SEMA3B: variants seen among roughly 807,000 people sequenced by gnomAD.
SEMA3B encodes semaphorin-3B.
Under a neutral mutation model 77.8 loss-of-function variants are expected in SEMA3B, and 71 were observed. That is an observed-to-expected ratio of 0.91 (90% CI 0.75 to 1.11). SEMA3B has a LOEUF of 1.11. Among genes scored for constraint, SEMA3B ranks in the 50% most tolerant of loss-of-function variants. The pLI is 0.00. For missense variants in SEMA3B, 968 were observed against 1,056.8 expected (o/e 0.92, Z 1.17); for synonymous variants, 470 against 452.9 (o/e 1.04, Z -0.48).
chr3:50,274,819 C>A lies in SEMA3B; in HGVS notation c.1358-24C>A. 6.2e-7 allele frequency: 1 copy of A among 1,607,086 alleles called. No individual in the cohort carries two copies. The highest frequency in any genetic ancestry group is 1.1e-5 in the South Asian group (1 of 90,042). On this transcript the variant is annotated intron_variant, in intron 11 of 16. Coordinates refer to ENST00000616701, the MANE Select transcript of SEMA3B (RefSeq NM_001290060.2). This position sits in a 1 kb window ranked among gnomAD's most constrained non-coding sequence, Gnocchi z 4.7. ...CCAGCTGTCCGGGAGCACCAATGGT[C>A]ATTACCCCTTCTCATCCCTGCAGAC...
In SEMA3B at chr3:50,274,735, ACT is replaced by A; in HGVS notation, c.1358-105_1358-104del. 7.0e-7 allele frequency: 1 copy of A among 1,420,524 alleles called. No individual in the cohort carries two copies. Among genetic ancestry groups the A allele is most frequent in the Non-Finnish European group, 9.7e-7 (1 of 1,033,200 alleles). 88.0% of individuals were successfully genotyped at this position (1,420,524 alleles called of 1,614,324 possible). A position where few individuals can be genotyped will look rare whatever the true frequency, so the allele number is the denominator to read the frequency against. ...CCCAACCCACACTCTTCCAGTCCACACTCTTCACAACCCAAACATGCTGAGGG... is the reference window on the plus strand; with the variant it reads ...CCCAACCCACACTCTTCCAGTCCACACTTCACAACCCAAACATGCTGAGGG... On this transcript the variant is annotated intron_variant, in intron 11 of 16. Transcript: ENST00000616701. This position sits in a 1 kb window ranked among gnomAD's most constrained non-coding sequence, Gnocchi z 4.7.
Position 50,271,161 on chromosome 3 carries a change from G to T in SEMA3B, c.524G>T (p.Arg175Leu). 6.3e-7 allele frequency: 1 copy of T among 1,579,078 alleles called. No homozygotes were observed. Among genetic ancestry groups the T allele is most frequent in the East Asian group, 2.3e-5 (1 of 43,070 alleles). Residue 175 changes from arginine to leucine, a missense_variant, in exon 5 of 17, where the codon CGG (arginine) becomes CTG (leucine). Transcript: ENST00000616701. ...AAGAGTCCTTATGACCCCAGGCATC[G>T]GGCTGCCTCCGTGCTGGTGGGTGAG... is the stretch of plus-strand genomic sequence containing the variant. ...KGKSPYDPRH[R>L]AASVLVGEEL...
In SEMA3B at chr3:50,276,512, A is replaced by C. The variant is rs782121665; in HGVS notation, c.2056A>C (p.Lys686Gln). ...TGCGCCCGCCGCGCCGCCGGGCCCC[A>C]AACTCTGGTACCGGGACTTTCTGCA... ...EAAPAAPPGP[K>Q]LWYRDFLQLV... The change falls in exon 17 of 17, where the codon AAA becomes CAA. Residue 686 changes from lysine (K) to glutamine (Q), a missense_variant. Transcript: ENST00000616701. The surrounding 1 kb of genome is among the most constrained non-coding windows in gnomAD (Gnocchi z 5.8). 6.5e-7 allele frequency: 1 copy of C among 1,533,138 alleles called. No individual in the cohort carries two copies. Among genetic ancestry groups the C allele is most frequent in the South Asian group, 1.2e-5 (1 of 83,734 alleles). The allele number at this position is 1,533,138 out of a possible 1,614,324, so 95.0% of individuals were successfully genotyped here.
At position 50,275,643 on chromosome 3, in the gene SEMA3B, A is replaced by G; in HGVS notation, c.1705+28A>G. 6.2e-7 allele frequency: 1 copy of G among 1,613,532 alleles called. No homozygotes were observed. Among genetic ancestry groups the G allele is most frequent in the Non-Finnish European group, 8.5e-7 (1 of 1,179,670 alleles). ...GAGTGCCCCAGCTGCCCCTACCCTC[A>G]GCCCCAGAAGACGCCCCACCTGCCC... On this transcript the variant is annotated intron_variant, in intron 15 of 16. Coordinates refer to ENST00000616701, the MANE Select transcript of SEMA3B (RefSeq NM_001290060.2). The surrounding 1 kb of genome is among the most constrained non-coding windows in gnomAD (Gnocchi z 7.5).
upstream of SEMA3B, among the ~76,000 whole-genome samples, chr3:50,266,112 T>C (rs1288827705): frequency 6.6e-6 from 1 of 152,010 alleles, no homozygotes; most frequent in African/African-American, 2.4e-5. Context: ...CCCCTGGGCC[T>C]GGAAAAACAT....
upstream of SEMA3B, chr3:50,267,715 G>C (rs1465594972): frequency 6.6e-6 from 1 of 152,498 alleles, no homozygotes; most frequent in East Asian, 1.9e-4. This position sits in a 1 kb window ranked among gnomAD's most constrained non-coding sequence, Gnocchi z 5.7. Context: ...GGTGGAGTGT[G>C]AGAAGGCAGC....
chr3:50,261,903 G>A, the SEMA3B span: 3 of 152,264 alleles, frequency 2.0e-5, no homozygotes, highest in African/African-American at 7.2e-5. Flanking sequence ...AGGGAGTCAG[G>A]GAGGAGGCAA....
Position 50,275,455 on chromosome 3 carries a change from A to C in SEMA3B, c.1645A>C (p.Lys549Gln), listed in dbSNP as rs781867350. 1 of 1,607,894 alleles carries C rather than the reference A, an allele frequency of 6.2e-7. No homozygotes were observed. The highest frequency in any genetic ancestry group is 1.7e-5 in the Admixed American group (1 of 59,668). ...GTGCACGCGCTTCCAGCCCAGTGCC[A>C]AGAGGTGGGCGGGGTCGGGGTTGGG... The part of the protein sequence containing the change: ...VACTRFQPSA[K>Q]RRFRRQDVRN... Residue 549 changes from lysine (K) to glutamine (Q), a missense_variant, in exon 14 of 17, where the codon AAG (lysine) becomes CAG (glutamine). Lys to Gln is a moderately conservative substitution (Grantham distance 53, BLOSUM62 1). Coordinates refer to ENST00000616701, the MANE Select transcript of SEMA3B (RefSeq NM_001290060.2). The surrounding 1 kb of genome is among the most constrained non-coding windows in gnomAD (Gnocchi z 7.5).
chr3:50,271,865 C>T (rs1701064237), intron 6 of SEMA3B, among the ~76,000 whole-genome samples: 1 of 151,458 alleles, frequency 6.6e-6, no homozygotes, highest in Non-Finnish European at 1.5e-5. Context: ...GGGAGCATTC[C>T]AGGCAGAGGG....
chr3:50,272,486 G>A (rs183489260), intron 6 of SEMA3B, among the ~76,000 whole-genome samples: 93 of 152,002 alleles, frequency 6.1e-4, no homozygotes, highest in African/African-American at 2.0e-3. Context: ...TGAGGCGGGC[G>A]GATCACCTGA....
At chr3:50,271,032 AG>A (rs1204953094) in intron 4 of SEMA3B, 23 bp downstream of exon 4, 1 of 1,586,994 alleles carries the variant, frequency 6.3e-7, no homozygotes, top group Non-Finnish European at 8.6e-7. Flanking sequence ...CTAGGCAGGG[AG>A]GGAGGTCAGG....
rs781970265 is a variant in SEMA3B, at chr3:50,274,024, C to G, written c.1104C>G (p.Tyr368Ter). The change falls in exon 10 of 17, where the codon TAC (tyrosine) becomes TAG (stop). Residue 368 changes from tyrosine (Y) to a stop codon, truncating the protein, a stop_gained. Coordinates refer to ENST00000616701, the MANE Select transcript of SEMA3B (RefSeq NM_001290060.2). LOFTEE classifies it high-confidence loss of function. This position sits in a 1 kb window ranked among gnomAD's most constrained non-coding sequence, Gnocchi z 4.7. ...GGCCCATGCACCAGTGGGTGTCATA[C>G]CAGGGTCGCGTCCCCTACCCGCGGC... ...KEGPMHQWVS[Y>*]QGRVPYPRPG... The G allele has an allele frequency of 3.0e-5, 49 of 1,613,422 alleles. No homozygotes were observed. The highest frequency in any genetic ancestry group is 1.9e-5 in the Non-Finnish European group (23 of 1,179,762).
upstream of SEMA3B, among the ~76,000 whole-genome samples, chr3:50,264,287 G>A (rs1391090778): frequency 1.3e-4 from 20 of 152,308 alleles, no homozygotes; most frequent in Admixed American, 8.5e-4. Flanking sequence ...AGCCCGAGAA[G>A]GGGCCTTGTT....
intron 6 of SEMA3B, among the ~76,000 whole-genome samples, chr3:50,272,634 C>A (rs1233348929): frequency 6.6e-6 from 1 of 151,474 alleles, no homozygotes; most frequent in Non-Finnish European, 1.5e-5. Context: ...TCGCTTGAAC[C>A]TAGGAGGCGG....
Position 50,276,294 on chromosome 3 carries a change from G to A in SEMA3B, c.1846-8G>A. Reference sequence around the variant, plus strand: ...ACACCCCCGCCTCACGCTGCCCTCTGCCCGCAGGTGCTGGCAGAGGAGCGC... The same window carrying A: ...ACACCCCCGCCTCACGCTGCCCTCTACCCGCAGGTGCTGGCAGAGGAGCGC... On this transcript the variant is annotated splice_region_variant and splice_polypyrimidine_tract_variant and intron_variant, in intron 16 of 16. Transcript: ENST00000616701. The surrounding 1 kb of genome is among the most constrained non-coding windows in gnomAD (Gnocchi z 5.8). 1 of 1,491,450 alleles carries A rather than the reference G, an allele frequency of 6.7e-7. No homozygotes were observed. Among genetic ancestry groups the A allele is most frequent in the Non-Finnish European group, 8.9e-7 (1 of 1,123,766 alleles). 92.4% of individuals were successfully genotyped at this position (1,491,450 alleles called of 1,614,324 possible).
At chr3:50,264,866 G>A (rs587637795), upstream of SEMA3B, among the ~76,000 whole-genome samples, 65 of 152,296 alleles carry the variant, frequency 4.3e-4, no homozygotes, top group African/African-American at 1.5e-3. Flanking sequence ...GGTTGGGGGG[G>A]CTCCCGCATC....
chr3:50,269,364 C>T lies in SEMA3B; in HGVS notation c.109+15C>T. 5 of 1,420,964 alleles carry T rather than the reference C, an allele frequency of 3.5e-6. No homozygotes were observed. The highest frequency in any genetic ancestry group is 4.7e-6 in the Non-Finnish European group (5 of 1,065,060). 88.0% of individuals were successfully genotyped at this position (1,420,964 alleles called of 1,614,324 possible). A position where few individuals can be genotyped will look rare whatever the true frequency, so the allele number is the denominator to read the frequency against. On this transcript the variant is annotated intron_variant, in intron 1 of 16. Transcript: ENST00000616701. The surrounding 1 kb of genome is among the most constrained non-coding windows in gnomAD (Gnocchi z 4.0). ...CTCCTTCCAAGGTAGGTGCACCTGG[C>T]AGGCGGGAGGGCCCAGCTTGAGGTG... is the stretch of plus-strand genomic sequence containing the variant.
Position 50,273,038 on chromosome 3 carries a change from G to C in SEMA3B, c.665-260G>C. The C allele has an allele frequency of 2.1e-6, 1 of 478,266 alleles. No individual in the cohort carries two copies. The highest frequency in any genetic ancestry group is 3.7e-6 in the Non-Finnish European group (1 of 269,084). 29.6% of individuals were successfully genotyped at this position (478,266 alleles called of 1,614,324 possible). A position where few individuals can be genotyped will look rare whatever the true frequency, so the allele number is the denominator to read the frequency against. On this transcript the variant is annotated intron_variant, in intron 6 of 16. Transcript: ENST00000616701. The surrounding 1 kb of genome is among the most constrained non-coding windows in gnomAD (Gnocchi z 6.5). The stretch of plus-strand genomic sequence containing the variant: ...GGCGACGTGTGGGGCGAGATCGGAG[G>C]CTAGCCGGGCTTCACGCCTGCGCCC...
chr3:50,270,863 G>C lies in SEMA3B; in HGVS notation c.331-27G>C. ...ACCTCTTAAGGCTACGTCCCTGGGG[G>C]AAGCCTCACACCTCCAACCCTACTA... On this transcript the variant is annotated intron_variant, in intron 3 of 16. Coordinates refer to ENST00000616701, the MANE Select transcript of SEMA3B (RefSeq NM_001290060.2). This position sits in a 1 kb window ranked among gnomAD's most constrained non-coding sequence, Gnocchi z 4.7. 1 of 1,574,898 alleles carries C rather than the reference G, an allele frequency of 6.3e-7. No homozygotes were observed.
Sources: allele counts gnomAD v4.1 joint callset (sites outside exome capture counted in the v4.1 genomes callset), GRCh38; gene constraint gnomAD v4.1.1; non-coding constraint Gnocchi (gnomAD v3.1); transcripts MANE v1.5; gene names NCBI Gene and HGNC (gene_info 2026-07-23, HGNC 2026-07-21).